Variants in CCDC9 observed in about 807,000 individuals in gnomAD.
The protein encoded by CCDC9 is coiled-coil domain-containing protein 9.
A neutral mutation model predicts 65.6 loss-of-function variants in CCDC9; 52 were observed. The observed-to-expected ratio is 0.79, with a 90% CI of 0.63 to 1.00. The LOEUF is 1.00. Among genes scored for constraint, CCDC9 ranks in the 50% least tolerant of loss-of-function variants. The pLI, the probability that CCDC9 is intolerant of heterozygous loss-of-function variation, is 0.00. For synonymous variants in CCDC9, 332 were observed against 280.3 expected, an observed-to-expected ratio of 1.18 and a Z score of -1.84; for missense variants, 834 against 757.2, an observed-to-expected ratio of 1.10 and a Z score of -1.19.
chr19:47,272,389 A>G (rs1427506418), downstream of CCDC9, among the ~76,000 whole-genome samples: 1 of 151,992 alleles, frequency 6.6e-6, no homozygotes, highest in Non-Finnish European at 1.5e-5. Context: ...TTTGGTATGG[A>G]GGTTGAGGAG....
chr19:47,274,686 G>GGCTGGA (rs1208839841), downstream of CCDC9: 1 of 228,116 alleles, frequency 4.4e-6, no homozygotes, highest in East Asian at 8.3e-5. Context: ...GCGGGGGCGG[G>GGCTGGA]GCTGGAGCGA....
At chr19:47,272,235 G>C (rs1264069651), downstream of CCDC9, 2 of 992,356 alleles carry the variant, frequency 2.0e-6, no homozygotes, top group African/African-American at 3.4e-5. Flanking sequence ...CAGAGGGCTT[G>C]GGGGGAGTGG....
At chr19:47,267,064 A>G (rs1215772043) in intron 8 of CCDC9, among the ~76,000 whole-genome samples, 1 of 150,478 alleles carries the variant, frequency 6.6e-6, no homozygotes, top group Admixed American at 6.6e-5. Flanking sequence ...TCCCAGGTTC[A>G]CACCACTCTC....
At chr19:47,258,685 A>T (rs1422246718) in intron 3 of CCDC9, 22 bp downstream of exon 3, 2 of 1,565,816 alleles carry the variant, frequency 1.3e-6, no homozygotes, top group Middle Eastern at 3.4e-4. Context: ...CCGCCCTGGG[A>T]GACCCCATCC....
At chr19:47,275,125 C>T, downstream of CCDC9, 1 of 1,492,080 alleles carries the variant, frequency 6.7e-7, no homozygotes, top group South Asian at 1.3e-5. Flanking sequence ...GGCCCACAGC[C>T]CAGCGCGCCG....
intron 8 of CCDC9, among the ~76,000 whole-genome samples, chr19:47,267,125 C>T (rs1254825254): frequency 6.6e-6 from 1 of 151,948 alleles, no homozygotes; most frequent in East Asian, 1.9e-4. Flanking sequence ...CCACCACGTC[C>T]AACTAATTTT....
chr19:47,273,352 C>T, downstream of CCDC9: 10 of 1,231,648 alleles, frequency 8.1e-6, no homozygotes, highest in Non-Finnish European at 1.0e-5. Flanking sequence ...CCCTTCTCTC[C>T]TCAGAGGCAG....
Position 47,271,655 on chromosome 19 carries a change from G to T in CCDC9, c.1573G>T (p.Ala525Ser), listed in dbSNP as rs746836053. Reference protein sequence around the residue: ...HLAGALSPGEAWPFESV With the variant: ...HLAGALSPGESWPFESV ...GGCTGGCGCCCTCTCCCCGGGTGAG[G>T]CCTGGCCTTTTGAGAGTGTATGAAG... Residue 525 changes from alanine to serine, a missense_variant, in exon 12 of 12, where the codon GCC becomes TCC. Physicochemically the swap from Ala to Ser is moderately conservative, Grantham distance 99 (BLOSUM62 1). Coordinates refer to ENST00000221922, the MANE Select transcript of CCDC9 (RefSeq NM_015603.3). 9.4e-6 allele frequency: 15 copies of T among 1,600,020 alleles called. No individual in the cohort carries two copies. In the South Asian group the frequency reaches 1.2e-4, roughly 13 times the overall value.
rs1476240814 is a variant in CCDC9, at chr19:47,270,593, T to A, written c.990T>A (p.Phe330Leu). The change falls in exon 10 of 12, where the codon TTT becomes TTA. Residue 330 changes from phenylalanine to leucine, a missense_variant. Transcript: ENST00000221922. Reference sequence around the variant, plus strand: ...CCCGGCCCCCGAAGCCCCCTACTTTTGGGGAGTTCCTGTCCCAGCACAAAG... The same window carrying A: ...CCCGGCCCCCGAAGCCCCCTACTTTAGGGGAGTTCCTGTCCCAGCACAAAG... Reference protein sequence around the residue: ...AWARPPKPPTFGEFLSQHKAE... With the variant: ...AWARPPKPPTLGEFLSQHKAE... 6.2e-7 allele frequency: 1 copy of A among 1,613,728 alleles called. No homozygotes were observed. The highest frequency in any genetic ancestry group is 1.1e-5 in the South Asian group (1 of 91,058).
chr19:47,258,173 G>C (rs2059022984), intron 1 of CCDC9, 157 bp from the exon 2 acceptor site: 4 of 595,920 alleles, frequency 6.7e-6, no homozygotes, highest in Admixed American at 6.0e-5. Flanking sequence ...CTATGGAGAA[G>C]ATGGAGGTGG....
At chr19:47,267,054 TC>T (rs2059087115) in intron 8 of CCDC9, among the ~76,000 whole-genome samples, 1 of 150,378 alleles carries the variant, frequency 6.6e-6, no homozygotes, top group Non-Finnish European at 1.5e-5. Context: ...AAGCTCCGCC[TC>T]CCAGGTTCAC....
chr19:47,268,923 ATAAT>A (rs1568640521), intron 8 of CCDC9, among the ~76,000 whole-genome samples: 2 of 149,380 alleles, frequency 1.3e-5, no homozygotes, highest in Non-Finnish European at 3.0e-5. Context: ...GTTTCAAAAA[ATAAT>A]AATAATAATA....
intron 3 of CCDC9, among the ~76,000 whole-genome samples, chr19:47,259,331 C>T (rs1260859221): frequency 6.6e-6 from 1 of 152,030 alleles, no homozygotes; most frequent in Non-Finnish European, 1.5e-5. Flanking sequence ...CCAGGGAGAG[C>T]CTTGAGCAGG....
chr19:47,258,366 G>T lies in CCDC9; in HGVS notation c.-35G>T, dbSNP rs370434658. The T allele has an allele frequency of 6.2e-7, 1 of 1,613,386 alleles. No individual in the cohort carries two copies. Among genetic ancestry groups the T allele is most frequent in the East Asian group, 2.2e-5 (1 of 44,892 alleles). On this transcript the variant is annotated 5_prime_UTR_variant, in exon 2 of 12. Coordinates refer to ENST00000221922, the MANE Select transcript of CCDC9 (RefSeq NM_015603.3). ...GCTGCGTCTAGATTCTGCAGGGGAG[G>T]TTTGCTGGGACCTTGGCTCCACGCA...
intron 5 of CCDC9, among the ~76,000 whole-genome samples, chr19:47,261,393 C>G (rs1163443155): frequency 1.8e-4 from 27 of 152,100 alleles, no homozygotes. Context: ...CTACCTCACT[C>G]ACCCCTGACG....
chr19:47,270,674 G>C lies in CCDC9; in HGVS notation c.1071G>C (p.Ala357=). 6.2e-7 allele frequency: 1 copy of C among 1,611,316 alleles called. No homozygotes were observed. Among genetic ancestry groups the C allele is most frequent in the Non-Finnish European group, 8.5e-7 (1 of 1,179,840 alleles). Residue 357 remains alanine, a synonymous_variant, in exon 10 of 12, where the codon GCG becomes GCC. Transcript: ENST00000221922. ...GCAGTCGGCCCCAGGCCAAGGCAGC[G>C]CCCAGGGCCTACAGGTGGGGCACCC... ...RKSSRPQAKA[A]PRAYSDHDDR... is the part of the protein sequence containing the mutation.
At chr19:47,263,312 G>C (rs1308571349) in intron 5 of CCDC9, among the ~76,000 whole-genome samples, 4 of 152,102 alleles carry the variant, frequency 2.6e-5, no homozygotes, top group Non-Finnish European at 5.9e-5. Flanking sequence ...TCATGGCTTA[G>C]ATTTATCACA....
At chr19:47,265,392 T>G (rs2059075000) in intron 7 of CCDC9, among the ~76,000 whole-genome samples, 1 of 152,108 alleles carries the variant, frequency 6.6e-6, no homozygotes, top group Non-Finnish European at 1.5e-5. Flanking sequence ...TATGTTTTGT[T>G]TCCTGCCAAG....
chr19:47,265,080 C>CG, intron 7 of CCDC9, 134 bp downstream of exon 7: 2 of 678,178 alleles, frequency 2.9e-6, no homozygotes, highest in Non-Finnish European at 4.2e-6. Context: ...TTTTTTGAGA[C>CG]GGATTCTCGC....
Sources: gnomAD v4.1 joint callset for allele counts (sites outside exome capture counted in the v4.1 genomes callset) on GRCh38, gnomAD v4.1.1 for gene constraint, MANE v1.5 for transcripts, NCBI Gene and HGNC (gene_info 2026-07-23, HGNC 2026-07-21) for gene names.